NUP58: variants seen among roughly 807,000 people sequenced by gnomAD.
NUP58 encodes the protein nucleoporin 58, also known as nucleoporin p58/p45.
A neutral mutation model predicts 70.1 loss-of-function variants in NUP58; 17 were observed. The observed-to-expected ratio is 0.24, with a 90% CI of 0.17 to 0.36. NUP58 has a LOEUF of 0.36. Among genes scored for constraint, NUP58 ranks in the 10% least tolerant of loss-of-function variants. The probability of loss-of-function intolerance (pLI) is 1.00; values close to 1 mark genes in which losing one functional copy is unlikely to be tolerated. For missense variants in NUP58, 644 were observed against 701.5 expected (o/e 0.92, Z 0.93); for synonymous variants, 275 against 257.6 (o/e 1.07, Z -0.65).
intron 3 of NUP58, 152 bp from the exon 4 acceptor site, chr13:25,312,731 A>G: frequency 1.5e-6 from 1 of 673,682 alleles, no homozygotes. Flanking sequence ...CTCAACTTTT[A>G]CATATTTTCT....
intron 3 of NUP58, among the ~76,000 whole-genome samples, chr13:25,311,771 T>G (rs1034667463): frequency 6.6e-5 from 10 of 151,500 alleles, no homozygotes; most frequent in Admixed American, 6.6e-4. Context: ...GCTGTTGTAG[T>G]AGTTCTTAAG....
At position 25,340,324 on chromosome 13, in the gene NUP58, C is replaced by T. The variant is rs538361305; in HGVS notation, c.*190C>T. 182 of 501,786 alleles carry T rather than the reference C, an allele frequency of 3.6e-4. 6 individuals carry two copies. In the South Asian group the frequency reaches 7.0e-3, roughly 19 times the overall value. The allele number at this position is 501,786 out of a possible 1,614,324, so 31.1% of individuals were successfully genotyped here. A position where few individuals can be genotyped will look rare whatever the true frequency, so the allele number is the denominator to read the frequency against. Reference sequence around the variant, plus strand: ...TCTTTTTTCTTGTGGAATTTAAAGTCCAGCTGTGTTTTCTTTTTAATTTGA... The same window carrying T: ...TCTTTTTTCTTGTGGAATTTAAAGTTCAGCTGTGTTTTCTTTTTAATTTGA... On this transcript the variant is annotated 3_prime_UTR_variant, in exon 16 of 16. Coordinates refer to ENST00000381736, the MANE Select transcript of NUP58 (RefSeq NM_014089.4).
At chr13:25,324,751 A>G (rs1329780239) in intron 9 of NUP58, among the ~76,000 whole-genome samples, 3 of 152,224 alleles carry the variant, frequency 2.0e-5, no homozygotes, top group Non-Finnish European at 4.4e-5. Context: ...AGAAATCTAT[A>G]GTTTTAAAAA....
At chr13:25,322,074 T>C (rs2031210108) in intron 9 of NUP58, among the ~76,000 whole-genome samples, 2 of 152,214 alleles carry the variant, frequency 1.3e-5, no homozygotes, top group South Asian at 4.1e-4. Context: ...GGTGATTTAT[T>C]TGTGTTGTAG....
intron 1 of NUP58, among the ~76,000 whole-genome samples, chr13:25,304,829 C>T (rs1013224510): frequency 4.6e-5 from 7 of 151,798 alleles, no homozygotes; most frequent in South Asian, 4.2e-4. Context: ...CACACCCAGC[C>T]GGCAGTAATG....
At chr13:25,335,050 G>A (rs1334744064) in intron 13 of NUP58, 2 of 985,062 alleles carry the variant, frequency 2.0e-6, no homozygotes, top group Non-Finnish European at 2.4e-6. Context: ...TGTAATATAT[G>A]CTAATACTTT....
At chr13:25,334,664 A>C in intron 13 of NUP58, 1 of 980,576 alleles carries the variant, frequency 1.0e-6, no homozygotes, top group South Asian at 4.7e-5. Flanking sequence ...TACTAATTAC[A>C]TTAGGCATTT....
chr13:25,333,973 G>A (rs2137822322), intron 13 of NUP58: 1 of 985,350 alleles, frequency 1.0e-6, no homozygotes, highest in Middle Eastern at 5.2e-4. Context: ...GCTGCCTTCT[G>A]AAGGTGGCTT....
At chr13:25,304,477 A>ATT (rs1304910487) in intron 1 of NUP58, among the ~76,000 whole-genome samples, 6 of 74,904 alleles carry the variant, frequency 8.0e-5, no homozygotes, top group African/African-American at 1.3e-4. Context: ...TGTTGTCAAG[A>ATT]TTATATATAT....
chr13:25,343,600 T>G (rs2032006643), downstream of NUP58, among the ~76,000 whole-genome samples: 1 of 151,096 alleles, frequency 6.6e-6, no homozygotes, highest in South Asian at 2.1e-4. Context: ...CAGGCATGAT[T>G]ACGCCTGGCT....
In NUP58 at chr13:25,316,292, G is replaced by A. The variant is rs556894413; in HGVS notation, c.685+825G>A. ...TGAAAATGTTTTCATTGTTTTTTGT[G>A]TTACTTTGTTTTGCACCATCTCTTC... On this transcript the variant is annotated intron_variant, in intron 6 of 15. Coordinates refer to ENST00000381736, the MANE Select transcript of NUP58 (RefSeq NM_014089.4). Among the ~76,000 whole-genome samples, 4 of 152,078 alleles carry A rather than the reference G, an allele frequency of 2.6e-5. No homozygotes were observed. The East Asian group carries it at 7.7e-4, about 29-fold the overall frequency.
At position 25,338,698 on chromosome 13, in the gene NUP58, A is replaced by G. The variant is rs140902718; in HGVS notation, c.1597A>G (p.Thr533Ala). Reference protein sequence around the residue: ...TTGASTFGFGTTNKPSGSLSA... With the variant: ...TTGASTFGFGATNKPSGSLSA... ...AGGGGCCTCCACATTTGGATTTGGA[A>G]CAACAAATAAACCCTCAGGAAGTCT... Residue 533 changes from threonine to alanine, a missense_variant, in exon 15 of 16, where the codon ACA (threonine) becomes GCA (alanine). Coordinates refer to ENST00000381736, the MANE Select transcript of NUP58 (RefSeq NM_014089.4). 2.5e-5 allele frequency: 41 copies of G among 1,613,700 alleles called. No individual in the cohort carries two copies. The highest frequency in any genetic ancestry group is 3.3e-5 in the Non-Finnish European group (39 of 1,179,786).
chr13:25,340,086 C>A lies in NUP58; in HGVS notation c.1752C>A (p.Leu584=), dbSNP rs970071730. 3 of 1,613,352 alleles carry A rather than the reference C, an allele frequency of 1.9e-6. No homozygotes were observed. Among genetic ancestry groups the A allele is most frequent in the Admixed American group, 3.3e-5 (2 of 59,840 alleles). The change falls in exon 16 of 16, where the codon CTC becomes CTA. Residue 584 remains leucine, a synonymous_variant. Transcript: ENST00000381736. ...ASAGFGTGGQ[L]LQLKKPPAGN... The stretch of plus-strand genomic sequence containing the variant: ...CAGGTTTTGGAACAGGAGGACAACT[C>A]CTTCAGTTGAAGAAACCTCCAGCTG...
chr13:25,344,653 C>T (rs1327110582), downstream of NUP58, among the ~76,000 whole-genome samples: 1 of 151,930 alleles, frequency 6.6e-6, no homozygotes, highest in Non-Finnish European at 1.5e-5. Flanking sequence ...AAAATACGTC[C>T]TGGGGGAAAT....
intron 13 of NUP58, chr13:25,332,723 T>C: frequency 3.0e-6 from 3 of 985,468 alleles, no homozygotes; most frequent in Non-Finnish European, 3.6e-6. Flanking sequence ...GCTGGACCCA[T>C]GTGAATAGTG....
At chr13:25,334,069 G>A in intron 13 of NUP58, 5 of 985,134 alleles carry the variant, frequency 5.1e-6, no homozygotes, top group Non-Finnish European at 4.8e-6. Context: ...AAGTATACTA[G>A]GGCTTAGGCA....
At chr13:25,320,386 A>G in intron 7 of NUP58, 144 bp from the exon 8 acceptor site, 1 of 541,720 alleles carries the variant, frequency 1.8e-6, no homozygotes, top group Non-Finnish European at 3.3e-6. Context: ...TTTTTTATAA[A>G]GAGCTTTGAA....
At chr13:25,342,695 G>T (rs1052805836), downstream of NUP58, among the ~76,000 whole-genome samples, 6 of 152,172 alleles carry the variant, frequency 3.9e-5, no homozygotes, top group South Asian at 1.0e-3. Context: ...TTCCTAGTGT[G>T]CAGTCTGATG....
Position 25,338,682 on chromosome 13 carries a change from C to G in NUP58, c.1581C>G (p.Ser527=). ...TTGGATGCAGCACCACAGGGGCCTC[C>G]ACATTTGGATTTGGAACAACAAATA... The part of the protein sequence containing the change: ...SGFGCSTTGA[S]TFGFGTTNKP... The change falls in exon 15 of 16, where the codon TCC becomes TCG. Residue 527 remains serine, a synonymous_variant. Transcript: ENST00000381736. 1 of 1,613,824 alleles carries G rather than the reference C, an allele frequency of 6.2e-7. No individual in the cohort carries two copies. Among genetic ancestry groups the G allele is most frequent in the Non-Finnish European group, 8.5e-7 (1 of 1,179,808 alleles).
Sources: gnomAD v4.1 joint callset for allele counts (sites outside exome capture counted in the v4.1 genomes callset) on GRCh38, gnomAD v4.1.1 for gene constraint, MANE v1.5 for transcripts, NCBI Gene and HGNC (gene_info 2026-07-23, HGNC 2026-07-21) for gene names.